FAT3: variants seen among roughly 807,000 people sequenced by gnomAD.
FAT3 encodes the protein protocadherin Fat 3.
Under a neutral mutation model 310.2 loss-of-function variants are expected in FAT3, and 95 were observed. The ratio of observed to expected loss-of-function variants is 0.31; its 90% confidence interval spans 0.26 to 0.36. The LOEUF is 0.36. FAT3 is among the 10% of genes least tolerant of loss of function. FAT3 has a pLI of 1.00. For missense variants in FAT3, 5,408 were observed against 5,715.6 expected, an observed-to-expected ratio of 0.95 and a Z score of 1.74; for synonymous variants, 2,314 against 2,192.9, an observed-to-expected ratio of 1.06 and a Z score of -1.54.
intron 22 of FAT3, among the ~76,000 whole-genome samples, chr11:92,870,756 C>T (rs1031626236): frequency 2.0e-5 from 3 of 152,232 alleles, no homozygotes; most frequent in African/African-American, 7.2e-5. Context: ...AGAAGCCTAA[C>T]TCCTGAGCTC....
At chr11:92,745,499 T>A (rs1387980154) in intron 4 of FAT3, among the ~76,000 whole-genome samples, 1 of 146,940 alleles carries the variant, frequency 6.8e-6, no homozygotes, top group East Asian at 2.0e-4. Flanking sequence ...GCAAGTTTTA[T>A]GAATAGAAAA....
At chr11:92,371,486 C>T (rs531566837) in intron 2 of FAT3, among the ~76,000 whole-genome samples, 7 of 152,252 alleles carry the variant, frequency 4.6e-5, no homozygotes, top group Admixed American at 3.9e-4. Flanking sequence ...GGAAGCGAGG[C>T]GGGTGGATCA....
intron 3 of FAT3, among the ~76,000 whole-genome samples, chr11:92,551,414 T>TTGTTTTGTG (rs35238743): frequency 0.016 from 2,083 of 128,944 alleles, 69 homozygotes; most frequent in African/African-American, 0.056. Flanking sequence ...TTTTTTTGTT[T>TTGTTTTGTG]TGTGTGTGTG....
chr11:92,331,844 A>G (rs1345119283), intron 1 of FAT3, among the ~76,000 whole-genome samples: 2 of 152,224 alleles, frequency 1.3e-5, no homozygotes, highest in African/African-American at 2.4e-5. Context: ...AAAATAATAC[A>G]TTAAACAGTA....
intron 4 of FAT3, among the ~76,000 whole-genome samples, chr11:92,708,844 A>G (rs747590523): frequency 3.3e-5 from 5 of 152,238 alleles, no homozygotes; most frequent in Non-Finnish European, 5.9e-5. Flanking sequence ...GCTGGCCACC[A>G]TCCACTTAAA....
chr11:92,559,855 A>T (rs1329809095), intron 3 of FAT3, among the ~76,000 whole-genome samples: 3 of 152,146 alleles, frequency 2.0e-5, no homozygotes, highest in Non-Finnish European at 4.4e-5. Context: ...TTGTTTATCC[A>T]TTCATCAGCT....
intron 4 of FAT3, among the ~76,000 whole-genome samples, chr11:92,704,721 C>G (rs1216009255): frequency 1.3e-5 from 2 of 152,252 alleles, no homozygotes; most frequent in South Asian, 4.1e-4. Context: ...AGATTCCTAG[C>G]CTCCAGAACT....
At chr11:92,853,627 A>G (rs1487263051) in intron 19 of FAT3, among the ~76,000 whole-genome samples, 2 of 152,160 alleles carry the variant, frequency 1.3e-5, no homozygotes, top group Non-Finnish European at 2.9e-5. Flanking sequence ...TGAGTGACAG[A>G]ACAGCTCTCA....
At chr11:92,274,129 A>T (rs1038806303) in intron 1 of FAT3, among the ~76,000 whole-genome samples, 4 of 152,088 alleles carry the variant, frequency 2.6e-5, no homozygotes, top group Non-Finnish European at 4.4e-5. Context: ...TGTATCCTCA[A>T]TATCCTTTTT....
intron 1 of FAT3, among the ~76,000 whole-genome samples, chr11:92,313,366 C>T (rs1230074702): frequency 6.6e-6 from 1 of 152,166 alleles, no homozygotes; most frequent in African/African-American, 2.4e-5. Flanking sequence ...CATTCCTTAA[C>T]CACATTCACT....
At chr11:92,551,011 C>T (rs1423494557) in intron 3 of FAT3, among the ~76,000 whole-genome samples, 1 of 151,782 alleles carries the variant, frequency 6.6e-6, no homozygotes, top group East Asian at 2.0e-4. Flanking sequence ...TAAGCATCGC[C>T]CAGTCCCCGT....
intron 2 of FAT3, among the ~76,000 whole-genome samples, chr11:92,375,212 C>T (rs1222405272): frequency 2.0e-5 from 3 of 152,096 alleles, no homozygotes; most frequent in Non-Finnish European, 1.5e-5. Flanking sequence ...TAGCTTACAG[C>T]AGCCTCCAAC....
chr11:92,705,018 T>C (rs1199893433), intron 4 of FAT3, among the ~76,000 whole-genome samples: 2 of 152,200 alleles, frequency 1.3e-5, no homozygotes, highest in Admixed American at 6.5e-5. Context: ...GAAGGCCCTC[T>C]TGTGGCATAC....
chr11:92,706,426 G>A (rs908178472), intron 4 of FAT3, among the ~76,000 whole-genome samples: 2 of 151,998 alleles, frequency 1.3e-5, no homozygotes, highest in Admixed American at 6.5e-5. Flanking sequence ...GGATGTGGAC[G>A]GGGAGGAACA....
chr11:92,865,921 G>A (rs1459400017), intron 21 of FAT3, among the ~76,000 whole-genome samples: 1 of 152,168 alleles, frequency 6.6e-6, no homozygotes, highest in African/African-American at 2.4e-5. Context: ...GGTCTCTGTT[G>A]TCGCACCCCA....
chr11:92,447,142 G>C (rs149977233), intron 2 of FAT3, among the ~76,000 whole-genome samples: 108 of 151,984 alleles, frequency 7.1e-4, no homozygotes, highest in African/African-American at 2.5e-3. Flanking sequence ...AATGATACAC[G>C]TGTGTGCCAT....
intron 2 of FAT3, among the ~76,000 whole-genome samples, chr11:92,435,257 T>C (rs1468007452): frequency 1.3e-5 from 2 of 152,178 alleles, no homozygotes; most frequent in African/African-American, 4.8e-5. Flanking sequence ...TTCAGGGATG[T>C]CTGCCAGAGT....
intron 4 of FAT3, among the ~76,000 whole-genome samples, chr11:92,746,140 A>G (rs1945659972): frequency 6.6e-6 from 1 of 152,246 alleles, no homozygotes; most frequent in African/African-American, 2.4e-5. Flanking sequence ...TAAGTTATTA[A>G]AGGCAGTTCA....
At chr11:92,507,883 G>A (rs1169758540) in intron 2 of FAT3, among the ~76,000 whole-genome samples, 3 of 151,748 alleles carry the variant, frequency 2.0e-5, no homozygotes, top group East Asian at 1.9e-4. Flanking sequence ...CCCTATAACC[G>A]AATCAACCAA....
Sources: allele counts gnomAD v4.1 joint callset (sites outside exome capture counted in the v4.1 genomes callset), GRCh38; gene constraint gnomAD v4.1.1; transcripts MANE v1.5; gene names NCBI Gene and HGNC (gene_info 2026-07-23, HGNC 2026-07-21).